The following OR51B5 variants were observed in gnomAD, a reference collection of about 807,000 sequenced individuals.
OR51B5 encodes olfactory receptor 51B5.
For missense variants in OR51B5, 456 were observed against 374.6 expected (o/e 1.22, Z -1.79); for synonymous variants, 186 against 144.8 (o/e 1.28, Z -2.04).
At chr11:5,424,527 T>G (rs1214461324) in intron 1 of OR51B5, among the ~76,000 whole-genome samples, 1 of 152,020 alleles carries the variant, frequency 6.6e-6, no homozygotes, top group East Asian at 1.9e-4. Flanking sequence ...ATCCTCCCAG[T>G]ACACAGGTAG....
chr11:5,418,574 T>G (rs1264907815), intron 1 of OR51B5, among the ~76,000 whole-genome samples: 1 of 152,146 alleles, frequency 6.6e-6, no homozygotes, highest in Non-Finnish European at 1.5e-5. Context: ...TCATGTCTCT[T>G]GCAGGGACAT....
rs10450603 is a variant in OR51B5, at chr11:5,453,852, C to T, written n.84+51717G>A. ...TATTCTGCTGGCCATGAGTTTTGACCGCTATGTGGCCATTTGTGACCCCTT... is the reference window on the plus strand; with the variant it reads ...TATTCTGCTGGCCATGAGTTTTGACTGCTATGTGGCCATTTGTGACCCCTT... On this transcript the variant is annotated intron_variant and non_coding_transcript_variant, in intron 1 of 4. Coordinates refer to the OR51B5 transcript ENST00000415970. 9.3e-3 allele frequency: 15,040 copies of T among 1,614,102 alleles called. 1,201 individuals carry two copies. The African/African-American group carries it at 0.17, about 19-fold the overall frequency.
At chr11:5,453,102 TTTC>T (rs1344235929) in intron 1 of OR51B5, among the ~76,000 whole-genome samples, 1 of 152,246 alleles carries the variant, frequency 6.6e-6, no homozygotes, top group Non-Finnish European at 1.5e-5. Flanking sequence ...AACTCCTGAC[TTTC>T]TTCTCTTGTG....
chr11:5,469,794 T>C (rs1446530282), intron 1 of OR51B5, among the ~76,000 whole-genome samples: 4 of 152,192 alleles, frequency 2.6e-5, no homozygotes, highest in Admixed American at 2.6e-4. Context: ...GTTTCTTCCA[T>C]AAGTGAGGTG....
At chr11:5,464,505 CAG>C (rs941439054) in intron 1 of OR51B5, among the ~76,000 whole-genome samples, 1 of 131,702 alleles carries the variant, frequency 7.6e-6, no homozygotes, top group African/African-American at 2.8e-5. Context: ...TCTCATTGTT[CAG>C]TTCCCACCTA....
At chr11:5,364,428 G>A (rs11603059) in intron 1 of OR51B5, among the ~76,000 whole-genome samples, 5 of 152,148 alleles carry the variant, frequency 3.3e-5, no homozygotes, top group African/African-American at 1.2e-4. Flanking sequence ...GACAGGATAT[G>A]AGAGCTGCAC....
intron 1 of OR51B5, among the ~76,000 whole-genome samples, chr11:5,387,944 T>C (rs1849725586): frequency 6.6e-6 from 1 of 152,198 alleles, no homozygotes; most frequent in Non-Finnish European, 1.5e-5. Context: ...TTTCTGTTCA[T>C]TGTATTTTCA....
At chr11:5,435,652 T>C (rs1341268742) in intron 1 of OR51B5, among the ~76,000 whole-genome samples, 1 of 152,204 alleles carries the variant, frequency 6.6e-6, no homozygotes, top group Non-Finnish European at 1.5e-5. Flanking sequence ...TTCCTTCTTC[T>C]CTTAACCTGT....
At chr11:5,493,688 T>C (rs1395334815) in intron 1 of OR51B5, among the ~76,000 whole-genome samples, 8 of 152,190 alleles carry the variant, frequency 5.3e-5, no homozygotes, top group African/African-American at 1.9e-4. Flanking sequence ...AGCCCTAGGG[T>C]AAAGTCATAT....
chr11:5,468,799 A>G, intron 1 of OR51B5: 1 of 455,384 alleles, frequency 2.2e-6, no homozygotes, highest in Admixed American at 2.4e-5. Context: ...CACCAAAGGC[A>G]GAGATGACAA....
chr11:5,413,653 C>T (rs1850186759), intron 1 of OR51B5, among the ~76,000 whole-genome samples: 2 of 152,084 alleles, frequency 1.3e-5, no homozygotes, highest in South Asian at 2.1e-4. Context: ...TCTCAGGAGC[C>T]AATGCAATCA....
chr11:5,398,000 A>G (rs1477424879), intron 1 of OR51B5, among the ~76,000 whole-genome samples: 1 of 152,116 alleles, frequency 6.6e-6, no homozygotes, highest in Non-Finnish European at 1.5e-5. Flanking sequence ...GAACTGAACA[A>G]TGAGAACACA....
intron 1 of OR51B5, among the ~76,000 whole-genome samples, chr11:5,457,392 C>T (rs1171033883): frequency 6.6e-6 from 1 of 152,106 alleles, no homozygotes; most frequent in Non-Finnish European, 1.5e-5. Flanking sequence ...TGAAGGGCAC[C>T]TTGATTTCAT....
At chr11:5,454,207 C>G (rs764054587) in intron 1 of OR51B5, 1 of 1,614,186 alleles carries the variant, frequency 6.2e-7, no homozygotes, top group South Asian at 1.1e-5. Flanking sequence ...GCTCTCAACA[C>G]ATGTGTGTCA....
intron 1 of OR51B5, among the ~76,000 whole-genome samples, chr11:5,404,304 G>A (rs1850024884): frequency 6.6e-6 from 1 of 152,076 alleles, no homozygotes; most frequent in South Asian, 2.1e-4. Flanking sequence ...TAATCGGGTG[G>A]GGACTTGGAG....
At chr11:5,497,557 C>T (rs1564833860) in intron 1 of OR51B5, among the ~76,000 whole-genome samples, 1 of 152,150 alleles carries the variant, frequency 6.6e-6, no homozygotes, top group Non-Finnish European at 1.5e-5. Context: ...CCAGGATCTC[C>T]TCAGGTAAGC....
At chr11:5,380,770 A>C (rs1849596222) in intron 1 of OR51B5, among the ~76,000 whole-genome samples, 1 of 152,238 alleles carries the variant, frequency 6.6e-6, no homozygotes, top group African/African-American at 2.4e-5. Context: ...GAGGAAGATC[A>C]TCCTCAAAGG....
chr11:5,454,119 C>T, intron 1 of OR51B5: 7 of 1,614,156 alleles, frequency 4.3e-6, no homozygotes, highest in Non-Finnish European at 5.9e-6. Context: ...TGGCATGGAC[C>T]TGTTTTTTAT....
chr11:5,399,101 T>C (rs914006345), intron 1 of OR51B5, among the ~76,000 whole-genome samples: 7 of 152,180 alleles, frequency 4.6e-5, no homozygotes, highest in Admixed American at 2.0e-4. Context: ...TGGTGGCAGA[T>C]GGAAAACAAA....
Sources: gnomAD v4.1 joint callset for allele counts (sites outside exome capture counted in the v4.1 genomes callset) on GRCh38, gnomAD v4.1.1 for gene constraint, MANE v1.5 for transcripts, NCBI Gene and HGNC (gene_info 2026-07-23, HGNC 2026-07-21) for gene names.